The following WWOX variants were observed in gnomAD, a reference collection of about 807,000 sequenced individuals.
WWOX encodes WW domain-containing oxidoreductase.
In WWOX, 69 loss-of-function variants were observed where a neutral mutation model predicts 46.2. That is an observed-to-expected ratio of 1.49 (90% CI 1.23 to 1.82). WWOX has a LOEUF of 1.82. Ranked by LOEUF, WWOX falls within the 40% of genes most tolerant of loss-of-function variation. The probability of loss-of-function intolerance (pLI) is 0.00; values close to 1 mark genes in which losing one functional copy is unlikely to be tolerated. For synonymous variants in WWOX, 359 were observed against 202.6 expected, an observed-to-expected ratio of 1.77 and a Z score of -6.56; for missense variants, 919 against 542.6, an observed-to-expected ratio of 1.69 and a Z score of -6.89.
chr16:78,724,830 T>A (rs1191770030), intron 8 of WWOX, among the ~76,000 whole-genome samples: 1 of 152,190 alleles, frequency 6.6e-6, no homozygotes, highest in Non-Finnish European at 1.5e-5. Context: ...TTCAGACATA[T>A]CTCCATCTGA....
intron 8 of WWOX, among the ~76,000 whole-genome samples, chr16:79,105,041 T>C (rs1323119070): frequency 4.6e-5 from 7 of 152,060 alleles, no homozygotes; most frequent in African/African-American, 1.7e-4. Flanking sequence ...TCTAGAGTTT[T>C]CAGTTTACAA....
At chr16:78,139,610 A>G (rs1008781718) in intron 4 of WWOX, among the ~76,000 whole-genome samples, 4 of 152,188 alleles carry the variant, frequency 2.6e-5, no homozygotes, top group African/African-American at 9.6e-5. Context: ...GCGCCACTGC[A>G]CTCCAGCCCA....
At chr16:78,987,810 A>G (rs746644854) in intron 8 of WWOX, among the ~76,000 whole-genome samples, 7 of 152,198 alleles carry the variant, frequency 4.6e-5, no homozygotes, top group Admixed American at 1.3e-4. Context: ...GTGCTCTCCA[A>G]AAATTTCCAG....
In WWOX at chr16:79,059,831, A is replaced by C. The variant is rs115396692; in HGVS notation, c.1057-151777A>C. 5.4e-3 allele frequency among the ~76,000 whole-genome samples: 824 copies of C among 152,298 alleles called. 11 individuals are homozygous for C. The highest frequency in any genetic ancestry group is 0.019 in the African/African-American group (788 of 41,560). ...TCAGAGACAACATTACCCTCTTATTACTTAAAAGTAATTTGGACTGGTTCG... is the reference window on the plus strand; with the variant it reads ...TCAGAGACAACATTACCCTCTTATTCCTTAAAAGTAATTTGGACTGGTTCG... On this transcript the variant is annotated intron_variant, in intron 8 of 8. Coordinates refer to ENST00000566780, the MANE Select transcript of WWOX (RefSeq NM_016373.4).
At chr16:78,828,225 C>A (rs1340424428) in intron 8 of WWOX, among the ~76,000 whole-genome samples, 2 of 152,146 alleles carry the variant, frequency 1.3e-5, no homozygotes, top group African/African-American at 4.8e-5. Flanking sequence ...GCTTCTGCTC[C>A]CTGTCACAGT....
intron 5 of WWOX, among the ~76,000 whole-genome samples, chr16:78,359,675 A>G (rs2081368096): frequency 6.6e-6 from 1 of 152,200 alleles, no homozygotes; most frequent in Non-Finnish European, 1.5e-5. Context: ...AAAAAAATAA[A>G]TTTTCATTGT....
At chr16:78,673,610 C>G (rs2047518573) in intron 8 of WWOX, among the ~76,000 whole-genome samples, 1 of 152,296 alleles carries the variant, frequency 6.6e-6, no homozygotes, top group South Asian at 2.1e-4. Context: ...TTGGTTACGA[C>G]TTGCTAAAAG....
intron 5 of WWOX, among the ~76,000 whole-genome samples, chr16:78,344,022 C>T (rs2054509560): frequency 8.4e-6 from 1 of 119,324 alleles, no homozygotes; most frequent in African/African-American, 2.8e-5. Context: ...CCCACATCAC[C>T]CCACATTTTT....
intron 8 of WWOX, among the ~76,000 whole-genome samples, chr16:78,689,841 G>C (rs1489272391): frequency 6.6e-6 from 1 of 152,076 alleles, no homozygotes; most frequent in Non-Finnish European, 1.5e-5. Flanking sequence ...CAAATGTCAA[G>C]GTAACTTTGT....
At chr16:78,505,932 G>C (rs2085191647) in intron 8 of WWOX, among the ~76,000 whole-genome samples, 1 of 152,222 alleles carries the variant, frequency 6.6e-6, no homozygotes, top group Non-Finnish European at 1.5e-5. Flanking sequence ...GAAGGACCCG[G>C]TTGGCTCTGC....
intron 5 of WWOX, among the ~76,000 whole-genome samples, chr16:78,336,826 C>G (rs1046033898): frequency 1.3e-5 from 2 of 152,114 alleles, no homozygotes; most frequent in Non-Finnish European, 2.9e-5. Flanking sequence ...AAGTTTCGCT[C>G]TCATTTCCCA....
At chr16:78,357,403 C>G (rs1263541675) in intron 5 of WWOX, among the ~76,000 whole-genome samples, 5 of 152,178 alleles carry the variant, frequency 3.3e-5, no homozygotes, top group Non-Finnish European at 7.3e-5. Flanking sequence ...ATAGCCACTT[C>G]TCTTTCCAGT....
In WWOX at chr16:79,212,400, G is replaced by T. The variant is rs529427700; in HGVS notation, c.*604G>T. 5 of 433,932 alleles carry T rather than the reference G, an allele frequency of 1.2e-5. No individual in the cohort carries two copies. Among genetic ancestry groups the T allele is most frequent in the Non-Finnish European group, 1.6e-5 (4 of 245,356 alleles). 26.9% of individuals were successfully genotyped at this position (433,932 alleles called of 1,614,324 possible). A position where few individuals can be genotyped will look rare whatever the true frequency, so the allele number is the denominator to read the frequency against. On this transcript the variant is annotated 3_prime_UTR_variant, in exon 9 of 9. Coordinates refer to ENST00000566780, the MANE Select transcript of WWOX (RefSeq NM_016373.4). Reference sequence around the variant, plus strand: ...AGAACTACCAGGTGGCAAAGTACTTGTCATAGACTCCTTTGCTAATGCTAT... The same window carrying T: ...AGAACTACCAGGTGGCAAAGTACTTTTCATAGACTCCTTTGCTAATGCTAT...
intron 5 of WWOX, among the ~76,000 whole-genome samples, chr16:78,373,442 C>T (rs761975103): frequency 1.3e-5 from 2 of 152,262 alleles, no homozygotes; most frequent in Middle Eastern, 3.4e-3. Context: ...AGAAATAGCC[C>T]AGGAGTTACA....
chr16:78,440,370 T>C (rs1262690783), intron 8 of WWOX, among the ~76,000 whole-genome samples: 1 of 152,086 alleles, frequency 6.6e-6, no homozygotes, highest in Admixed American at 6.5e-5. Flanking sequence ...ATACTCCTCC[T>C]CCACTCTTAA....
At chr16:78,678,881 G>A (rs1214292392) in intron 8 of WWOX, among the ~76,000 whole-genome samples, 3 of 152,158 alleles carry the variant, frequency 2.0e-5, no homozygotes, top group Admixed American at 6.5e-5. Flanking sequence ...AGACGACTGA[G>A]GCTCACAGAG....
intron 8 of WWOX, among the ~76,000 whole-genome samples, chr16:78,648,426 A>G (rs375295766): frequency 9.2e-5 from 14 of 152,264 alleles, no homozygotes; most frequent in South Asian, 6.2e-4. Flanking sequence ...TTGTAAGGTA[A>G]ACAGTCACTG....
At chr16:79,146,802 C>T (rs1368002423) in intron 8 of WWOX, among the ~76,000 whole-genome samples, 1 of 152,084 alleles carries the variant, frequency 6.6e-6, no homozygotes, top group Non-Finnish European at 1.5e-5. Context: ...GATTTTAGTG[C>T]TAGGATTGGA....
At chr16:78,818,445 T>C (rs2051401839) in intron 8 of WWOX, among the ~76,000 whole-genome samples, 1 of 152,202 alleles carries the variant, frequency 6.6e-6, no homozygotes, top group Non-Finnish European at 1.5e-5. Flanking sequence ...AGGCCCAGTT[T>C]TGAGGCTGGG....
Sources: allele counts gnomAD v4.1 joint callset (sites outside exome capture counted in the v4.1 genomes callset), GRCh38; gene constraint gnomAD v4.1.1; transcripts MANE v1.5; gene names NCBI Gene and HGNC (gene_info 2026-07-23, HGNC 2026-07-21).